The following DCAF6 variants were observed in gnomAD, a reference collection of about 807,000 sequenced individuals.
DCAF6 encodes the protein DDB1 and CUL4 associated factor 6, also known as DDB1- and CUL4-associated factor 6.
Under a neutral mutation model 125.1 loss-of-function variants are expected in DCAF6, and 54 were observed. The ratio of observed to expected loss-of-function variants is 0.43; its 90% confidence interval spans 0.35 to 0.54. The LOEUF (loss-of-function observed/expected upper bound fraction) is 0.54, where lower values mean the gene tolerates loss of function less well. DCAF6 is among the 20% of genes least tolerant of loss of function. The pLI, the probability that DCAF6 is intolerant of heterozygous loss-of-function variation, is 0.01. For synonymous variants in DCAF6, 371 were observed against 390.4 expected (o/e 0.95, Z 0.58); for missense variants, 934 against 1,161.7 (o/e 0.80, Z 2.85).
Position 168,004,518 on chromosome 1 carries a change from A to C in DCAF6, c.1118-15A>C. The C allele has an allele frequency of 1.2e-6, 2 of 1,610,978 alleles. No individual in the cohort carries two copies. Among genetic ancestry groups the C allele is most frequent in the East Asian group, 2.2e-5 (1 of 44,824 alleles). On this transcript the variant is annotated splice_polypyrimidine_tract_variant and intron_variant, in intron 9 of 21. Coordinates refer to ENST00000367840, the MANE Select transcript of DCAF6 (RefSeq NM_001198956.2). Reference sequence around the variant, plus strand: ...ATATTTAAAATTTGAATTTGCCTTAACATGTGTTTTGAAGGTGGAACAAGT... The same window carrying C: ...ATATTTAAAATTTGAATTTGCCTTACCATGTGTTTTGAAGGTGGAACAAGT...
Position 168,043,982 on chromosome 1 carries a change from A to AG in DCAF6, c.1844-601dup, listed in dbSNP as rs575909579. On this transcript the variant is annotated intron_variant, in intron 14 of 21. Coordinates refer to ENST00000367840, the MANE Select transcript of DCAF6 (RefSeq NM_001198956.2). ...GATTTCGGGAAGGTTAGTAAAATGC[A>AG]GGATCAGGTAATTTCAGCTGTAAGG... is the stretch of plus-strand genomic sequence containing the variant. Among the ~76,000 whole-genome samples the AG allele has an allele frequency of 7.7e-4, 117 of 152,318 alleles. 1 individual carries two copies. In the South Asian group the frequency reaches 0.022, roughly 29 times the overall value.
chr1:167,867,322 C>T, the DCAF6 span, among the ~76,000 whole-genome samples: 14 of 152,272 alleles, frequency 9.2e-5, no homozygotes, highest in Non-Finnish European at 1.6e-4. Flanking sequence ...GGTCCACGCA[C>T]GGCCGAAGCA....
At chr1:168,013,172 G>GA (rs1684526095) in intron 10 of DCAF6, among the ~76,000 whole-genome samples, 1 of 152,142 alleles carries the variant, frequency 6.6e-6, no homozygotes, top group Non-Finnish European at 1.5e-5. Flanking sequence ...TGAAAAGAAA[G>GA]CAGTATGCCA....
At chr1:168,037,571 T>A (rs747640018) in intron 12 of DCAF6, among the ~76,000 whole-genome samples, 1 of 151,900 alleles carries the variant, frequency 6.6e-6, no homozygotes, top group Non-Finnish European at 1.5e-5. Flanking sequence ...CATGTACTCT[T>A]TTTTTTTGGC....
chr1:167,937,571 A>G (rs78572274), intron 1 of DCAF6, among the ~76,000 whole-genome samples: 2 of 152,014 alleles, frequency 1.3e-5, no homozygotes, highest in Non-Finnish European at 1.5e-5. Flanking sequence ...GCGCTCTCCC[A>G]GTTCCACTCT....
intron 17 of DCAF6, among the ~76,000 whole-genome samples, chr1:168,052,838 C>T (rs1558033961): frequency 6.6e-6 from 1 of 152,154 alleles, no homozygotes; most frequent in Admixed American, 6.5e-5. Context: ...TGAGGGAGTT[C>T]TCCAACTCCT....
chr1:168,023,151 G>A, intron 12 of DCAF6, 104 bp downstream of exon 12: 2 of 1,186,048 alleles, frequency 1.7e-6, no homozygotes, highest in South Asian at 1.3e-5. Context: ...TTTGATTATG[G>A]TCTTATAGTC....
chr1:167,883,693 C>T, the DCAF6 span: 2 of 1,489,284 alleles, frequency 1.3e-6, no homozygotes, highest in Non-Finnish European at 9.4e-7. Context: ...CAACACCGCC[C>T]CCACCTCATA....
chr1:167,997,869 T>A (rs1230838360), intron 7 of DCAF6, among the ~76,000 whole-genome samples: 1 of 152,062 alleles, frequency 6.6e-6, no homozygotes, highest in Non-Finnish European at 1.5e-5. Flanking sequence ...AGAAGACATA[T>A]AATAGAAATG....
chr1:167,968,075 T>C (rs1676706607), intron 3 of DCAF6, among the ~76,000 whole-genome samples: 1 of 152,184 alleles, frequency 6.6e-6, no homozygotes, highest in African/African-American at 2.4e-5. Context: ...ATTATTTTAA[T>C]AGTAATTCCA....
chr1:167,890,607 G>T, the DCAF6 span, among the ~76,000 whole-genome samples: 1 of 192 alleles, frequency 5.2e-3, no homozygotes, highest in Admixed American at 0.056. Flanking sequence ...CAATCAGCAG[G>T]TGCAAAGCCA....
chr1:168,019,270 G>A (rs1195076448), intron 11 of DCAF6, among the ~76,000 whole-genome samples: 1 of 152,090 alleles, frequency 6.6e-6, no homozygotes, highest in Non-Finnish European at 1.5e-5. Context: ...GGATGGTCTT[G>A]ATCTCCTGAC....
chr1:168,060,766 G>A (rs561136377), intron 17 of DCAF6, among the ~76,000 whole-genome samples: 14 of 152,240 alleles, frequency 9.2e-5, no homozygotes, highest in Admixed American at 6.5e-4. Context: ...GTGGAGGCCT[G>A]TAGTCCCAGG....
chr1:167,920,017 C>A, the DCAF6 span: 28 of 1,613,388 alleles, frequency 1.7e-5, no homozygotes, highest in Non-Finnish European at 2.4e-5. Flanking sequence ...CTGCTGCCCC[C>A]ACAAAGAAAT....
At chr1:167,978,863 C>G (rs1397523152) in intron 4 of DCAF6, among the ~76,000 whole-genome samples, 1 of 152,136 alleles carries the variant, frequency 6.6e-6, no homozygotes, top group African/African-American at 2.4e-5. Context: ...TGCTATCTTA[C>G]CCAGGCTTGT....
Position 167,985,196 on chromosome 1 carries a change from TGTGTGTGTGTGTGTG to T in DCAF6, c.439-2272_439-2258del, listed in dbSNP as rs897810220. Among the ~76,000 whole-genome samples, 351 of 150,044 alleles carry T rather than the reference TGTGTGTGTGTGTGTG, an allele frequency of 2.3e-3. 2 individuals are homozygous for T. The highest frequency in any genetic ancestry group is 0.01 in the Middle Eastern group (3 of 290). ...AGCCAAACCACGTCGTGTGTGTGTGTGTGTGTGTGTGTGTGGTGTGTGTGTGTGTGGTGTGTGTGT... is the reference window on the plus strand; with the variant it reads ...AGCCAAACCACGTCGTGTGTGTGTGTGTGTGTGTGTGTGTGGTGTGTGTGT... On this transcript the variant is annotated intron_variant, in intron 4 of 21. Coordinates refer to ENST00000367840, the MANE Select transcript of DCAF6 (RefSeq NM_001198956.2).
intron 2 of DCAF6, among the ~76,000 whole-genome samples, chr1:167,957,273 A>G (rs1674926420): frequency 2.0e-5 from 3 of 152,020 alleles, no homozygotes; most frequent in South Asian, 4.1e-4. Context: ...TTTCCCCTCT[A>G]TTTAGCAGTT....
At chr1:168,045,369 C>A in intron 16 of DCAF6, 142 bp downstream of exon 16, 1 of 741,044 alleles carries the variant, frequency 1.3e-6, no homozygotes. Flanking sequence ...AGAAACTTTA[C>A]AGTTTACTGT....
chr1:168,000,312 A>C (rs759991231), intron 7 of DCAF6, among the ~76,000 whole-genome samples: 1 of 152,314 alleles, frequency 6.6e-6, no homozygotes, highest in African/African-American at 2.4e-5. Flanking sequence ...ATAATGAATA[A>C]GTTTGAAATA....
Sources: gnomAD v4.1 joint callset for allele counts (sites outside exome capture counted in the v4.1 genomes callset) on GRCh38, gnomAD v4.1.1 for gene constraint, MANE v1.5 for transcripts, NCBI Gene and HGNC (gene_info 2026-07-23, HGNC 2026-07-21) for gene names.